LONP2: variants seen among roughly 807,000 people sequenced by gnomAD.
LONP2 encodes the protein lon protease homolog 2, peroxisomal.
Under a neutral mutation model 85.6 loss-of-function variants are expected in LONP2, and 60 were observed. The ratio of observed to expected loss-of-function variants is 0.70; its 90% CI spans 0.57 to 0.87. The LOEUF (loss-of-function observed/expected upper bound fraction) is 0.87. Among genes scored for constraint, LONP2 ranks in the 40% least tolerant of loss-of-function variants. The probability of loss-of-function intolerance (pLI) is 0.00; values close to 1 mark genes in which losing one functional copy is unlikely to be tolerated. For synonymous variants in LONP2, 395 were observed against 389.7 expected (o/e 1.01, Z -0.16); for missense variants, 860 against 1,063.5 (o/e 0.81, Z 2.66).
intron 7 of LONP2, among the ~76,000 whole-genome samples, chr16:48,271,187 CAAA>C (rs1485074760): frequency 6.6e-6 from 1 of 152,032 alleles, no homozygotes; most frequent in African/African-American, 2.4e-5. Context: ...AACAAACAAA[CAAA>C]CAAACAACAA....
downstream of LONP2, among the ~76,000 whole-genome samples, chr16:48,359,704 A>G (rs1281244669): frequency 6.6e-6 from 1 of 152,152 alleles, no homozygotes; most frequent in Non-Finnish European, 1.5e-5. Context: ...TGACAAGAGT[A>G]AAACTCCGTC....
chr16:48,335,905 AT>A (rs1959631110), intron 12 of LONP2, among the ~76,000 whole-genome samples: 1 of 152,196 alleles, frequency 6.6e-6, no homozygotes, highest in South Asian at 2.1e-4. Context: ...ATGGATTTGA[AT>A]TTTGAAGTGT....
intron 11 of LONP2, among the ~76,000 whole-genome samples, chr16:48,308,898 A>G (rs1482385732): frequency 6.6e-6 from 1 of 152,172 alleles, no homozygotes. Flanking sequence ...TGCAAAATAC[A>G]TATGCAAAAG....
intron 6 of LONP2, among the ~76,000 whole-genome samples, chr16:48,266,090 G>C (rs977847403): frequency 5.9e-5 from 9 of 151,972 alleles, no homozygotes; most frequent in Admixed American, 5.9e-4. Context: ...TGCAACCTCT[G>C]CCTCCCAAGT....
intron 11 of LONP2, among the ~76,000 whole-genome samples, chr16:48,328,339 T>G (rs1460365902): frequency 6.7e-6 from 1 of 149,346 alleles, no homozygotes; most frequent in Non-Finnish European, 1.5e-5. Context: ...ATATCAGGAG[T>G]TCGAGACTAG....
At chr16:48,313,889 T>C (rs1973086179) in intron 11 of LONP2, among the ~76,000 whole-genome samples, 1 of 152,234 alleles carries the variant, frequency 6.6e-6, no homozygotes, top group African/African-American at 2.4e-5. Flanking sequence ...CCACACTGTC[T>C]TCCACAATGG....
In LONP2 at chr16:48,303,983, C is replaced by A. The variant is rs115086760; in HGVS notation, c.1795+678C>A. ...GGGTGGGTCTGCCTCTCCTAGTCCG[C>A]TGACTCAAATGTTAATCTCCTTTGA... On this transcript the variant is annotated intron_variant, in intron 11 of 14. Transcript: ENST00000285737. Among the ~76,000 whole-genome samples, 1,300 of 152,308 alleles carry A rather than the reference C, an allele frequency of 8.5e-3. 14 individuals carry two copies. The highest frequency in any genetic ancestry group is 0.029 in the African/African-American group (1,200 of 41,564).
intron 3 of LONP2, among the ~76,000 whole-genome samples, chr16:48,257,133 A>T (rs1255132663): frequency 2.0e-5 from 3 of 151,960 alleles, no homozygotes; most frequent in Non-Finnish European, 4.4e-5. Context: ...CCAACATGGT[A>T]AAACCCCATC....
intron 14 of LONP2, among the ~76,000 whole-genome samples, chr16:48,351,263 G>A (rs1370851282): frequency 1.3e-5 from 2 of 152,096 alleles, no homozygotes; most frequent in African/African-American, 2.4e-5. Flanking sequence ...AAGACTAGAC[G>A]GTTGTGATTA....
In LONP2 at chr16:48,340,583, C is replaced by T. The variant is rs189503902; in HGVS notation, c.1938+6225C>T. 1.4e-3 allele frequency among the ~76,000 whole-genome samples: 212 copies of T among 152,270 alleles called. 1 individual carries two copies. The highest frequency in any genetic ancestry group is 4.9e-3 in the African/African-American group (205 of 41,542). ...AGTTGGGAAGTAAGGTAAGAAGGCACACTTTTATTAATTAATAATATCTTT... is the reference window on the plus strand; with the variant it reads ...AGTTGGGAAGTAAGGTAAGAAGGCATACTTTTATTAATTAATAATATCTTT... On this transcript the variant is annotated intron_variant, in intron 12 of 14. Coordinates refer to ENST00000285737, the MANE Select transcript of LONP2 (RefSeq NM_031490.5).
intron 8 of LONP2, among the ~76,000 whole-genome samples, chr16:48,289,800 T>A (rs1395531251): frequency 6.6e-6 from 1 of 152,214 alleles, no homozygotes; most frequent in Non-Finnish European, 1.5e-5. Context: ...CTTTGGTGGG[T>A]CATTTTCCAC....
At chr16:48,272,730 G>A (rs544112977) in intron 7 of LONP2, among the ~76,000 whole-genome samples, 1 of 152,302 alleles carries the variant, frequency 6.6e-6, no homozygotes, top group African/African-American at 2.4e-5. Context: ...TTAGCCATCA[G>A]TGTACCAGAT....
At chr16:48,259,022 A>T (rs1971821930) in intron 4 of LONP2, among the ~76,000 whole-genome samples, 1 of 152,172 alleles carries the variant, frequency 6.6e-6, no homozygotes, top group African/African-American at 2.4e-5. Context: ...AATAACTATG[A>T]TGGGTGTCTT....
chr16:48,271,195 C>G (rs181332320), intron 7 of LONP2, among the ~76,000 whole-genome samples: 1 of 151,858 alleles, frequency 6.6e-6, no homozygotes, highest in African/African-American at 2.4e-5. Flanking sequence ...AACAAACAAA[C>G]AACAACAAAA....
At chr16:48,348,348 ATTATTT>A (rs1374990013) in intron 14 of LONP2, 58 bp downstream of exon 14, 11 of 1,138,020 alleles carry the variant, frequency 9.7e-6, no homozygotes, top group Non-Finnish European at 1.3e-5. Context: ...GAAAATTAAT[ATTATTT>A]TTAAATACGG....
At chr16:48,329,597 A>G (rs1959371343) in intron 11 of LONP2, among the ~76,000 whole-genome samples, 1 of 152,178 alleles carries the variant, frequency 6.6e-6, no homozygotes. Context: ...TAGGGAAAAA[A>G]TGGTATATAT....
intron 7 of LONP2, among the ~76,000 whole-genome samples, chr16:48,272,388 AC>A (rs1972123199): frequency 6.6e-6 from 1 of 152,178 alleles, no homozygotes; most frequent in South Asian, 2.1e-4. Flanking sequence ...CATGGTTCTC[AC>A]CACTTACAAA....
downstream of LONP2, chr16:48,360,879 T>G (rs1212139287): frequency 6.6e-6 from 1 of 152,266 alleles, no homozygotes; most frequent in Non-Finnish European, 1.5e-5. Context: ...GATGTCACCT[T>G]TACTTTCTGG....
chr16:48,337,980 A>AT (rs774565199), intron 12 of LONP2, among the ~76,000 whole-genome samples: 33 of 151,868 alleles, frequency 2.2e-4, no homozygotes, highest in Non-Finnish European at 3.7e-4. Flanking sequence ...TTTTCTCTGT[A>AT]TTTTTTTGTA....
Sources: gnomAD v4.1 joint callset for allele counts (sites outside exome capture counted in the v4.1 genomes callset) on GRCh38, gnomAD v4.1.1 for gene constraint, MANE v1.5 for transcripts, NCBI Gene and HGNC (gene_info 2026-07-23, HGNC 2026-07-21) for gene names.